KIF24: variants seen among roughly 807,000 people sequenced by gnomAD.
The protein encoded by KIF24 is kinesin-like protein KIF24.
A neutral mutation model predicts 118.9 loss-of-function variants in KIF24; 81 were observed. The ratio of observed to expected loss-of-function variants is 0.68; its 90% CI spans 0.57 to 0.82. The LOEUF is 0.82. Ranked by LOEUF, KIF24 falls within the 40% of genes least tolerant of loss-of-function variation. The probability of loss-of-function intolerance (pLI) is 0.00; values close to 1 mark genes in which losing one functional copy is unlikely to be tolerated. For missense variants in KIF24, 1,560 were observed against 1,661.6 expected (o/e 0.94, Z 1.06); for synonymous variants, 599 against 610.0 (o/e 0.98, Z 0.27).
intron 1 of KIF24, among the ~76,000 whole-genome samples, chr9:34,323,588 C>A (rs1389863206): frequency 2.6e-5 from 4 of 152,290 alleles, no homozygotes; most frequent in African/African-American, 9.6e-5. Flanking sequence ...TTTTGCCACA[C>A]TGCAGTCATA....
In KIF24 at chr9:34,326,252, T is replaced by A. The variant is rs1182109397; in HGVS notation, c.-26+2854A>T. Reference sequence around the variant, plus strand: ...CTGTGGTCCCAGCTACTTGGGGGGCTGAGGTGGGAGGATTGCTTGGGCCTG... The same window carrying A: ...CTGTGGTCCCAGCTACTTGGGGGGCAGAGGTGGGAGGATTGCTTGGGCCTG... On this transcript the variant is annotated intron_variant, in intron 1 of 12. Transcript: ENST00000402558. 4.6e-5 allele frequency among the ~76,000 whole-genome samples: 7 copies of A among 152,048 alleles called. No homozygotes were observed. The East Asian group carries it at 5.8e-4, about 13-fold the overall frequency.
chr9:34,306,407 C>T lies in KIF24; in HGVS notation c.658G>A (p.Glu220Lys), dbSNP rs1254837268. Residue 220 changes from glutamate (E) to lysine (K), a missense_variant, in exon 3 of 13, where the codon GAG (glutamate) becomes AAG (lysine). Transcript: ENST00000402558. The stretch of plus-strand genomic sequence containing the variant: ...ACACAAACTCTGATTTTCTCCATCT[C>T]AGTCCAAGGATTCTGTTTCTCTGAA... ...NTSEKQNPWTEMEKIRVCVRK... is the reference protein window; with the variant it reads ...NTSEKQNPWTKMEKIRVCVRK... 1.9e-6 allele frequency: 3 copies of T among 1,610,986 alleles called. No homozygotes were observed. The African/African-American group carries it at 4.0e-5, about 22-fold the overall frequency.
Position 34,299,401 on chromosome 9 carries a change from C to T in KIF24, c.814-2287G>A, listed in dbSNP as rs1040544263. 5.9e-5 allele frequency among the ~76,000 whole-genome samples: 9 copies of T among 151,968 alleles called. No individual in the cohort carries two copies. In the South Asian group the frequency reaches 1.0e-3, roughly 18 times the overall value. On this transcript the variant is annotated intron_variant, in intron 3 of 12. Coordinates refer to ENST00000402558, the MANE Select transcript of KIF24 (RefSeq NM_194313.4). ...CTCATCATGTTGGCCAGGCTGGTCT[C>T]GAACTCCTGACCTCAAGTGATCCGT...
At chr9:34,292,358 T>C (rs1374589230) in intron 4 of KIF24, among the ~76,000 whole-genome samples, 2 of 152,232 alleles carry the variant, frequency 1.3e-5, no homozygotes, top group African/African-American at 4.8e-5. Flanking sequence ...AAATTTTTTT[T>C]CCTTTTCCTT....
At chr9:34,280,051 G>A (rs902544625) in intron 6 of KIF24, among the ~76,000 whole-genome samples, 24 of 151,748 alleles carry the variant, frequency 1.6e-4, no homozygotes, top group African/African-American at 5.6e-4. Context: ...TTGGGAGGCC[G>A]AGGCAGGCGG....
At chr9:34,299,993 AG>A (rs749689483) in intron 3 of KIF24, among the ~76,000 whole-genome samples, 6 of 152,136 alleles carry the variant, frequency 3.9e-5, no homozygotes, top group Non-Finnish European at 8.8e-5. Flanking sequence ...TATCTAGTCA[AG>A]AAAAAATTTT....
At chr9:34,259,216 AAT>A (rs1286825777) in intron 10 of KIF24, among the ~76,000 whole-genome samples, 1 of 152,236 alleles carries the variant, frequency 6.6e-6, no homozygotes, top group Non-Finnish European at 1.5e-5. Flanking sequence ...CTTGACAAGT[AAT>A]ATGTCTTCTA....
chr9:34,269,186 T>A (rs781031499), intron 8 of KIF24, 71 bp downstream of exon 8: 2 of 812,222 alleles, frequency 2.5e-6, no homozygotes, highest in Non-Finnish European at 4.1e-6. Flanking sequence ...CCCACATTCA[T>A]CCACTCTGCC....
At position 34,255,104 on chromosome 9, in the gene KIF24, C is replaced by A; in HGVS notation, c.3934G>T (p.Glu1312Ter). 6.3e-7 allele frequency: 1 copy of A among 1,596,076 alleles called. No homozygotes were observed. Among genetic ancestry groups the A allele is most frequent in the Non-Finnish European group, 8.5e-7 (1 of 1,171,150 alleles). The part of the protein sequence containing the change: ...LDEMAELGFK[E>*]ETLMSQLASN... ...GCCAGCTGGCTCATCAGCGTCTCCT[C>A]CTTGAAGCCGAGCTCAGCCATTTCA... The change falls in exon 12 of 13, where the codon GAG (glutamate) becomes TAG (stop). Residue 1312 changes from glutamate to a stop codon, truncating the protein, a stop_gained. Coordinates refer to ENST00000402558, the MANE Select transcript of KIF24 (RefSeq NM_194313.4). LOFTEE classifies it high-confidence loss of function.
At position 34,289,509 on chromosome 9, in the gene KIF24, C is replaced by T. The variant is rs143270488; in HGVS notation, c.1127+665G>A. ...TGACAGCCTTTAATCCTTCCACCTC[C>T]CCCATTCCCTCTAACCTCTATTCTC... is the stretch of plus-strand genomic sequence containing the variant. On this transcript the variant is annotated intron_variant, in intron 5 of 12. Transcript: ENST00000402558. 3.2e-3 allele frequency among the ~76,000 whole-genome samples: 481 copies of T among 152,298 alleles called. 2 individuals are homozygous for T. Among genetic ancestry groups the T allele is most frequent in the African/African-American group, 0.011 (459 of 41,562 alleles).
At chr9:34,332,878 A>G (rs1837984489), upstream of KIF24, among the ~76,000 whole-genome samples, 1 of 152,202 alleles carries the variant, frequency 6.6e-6, no homozygotes, top group Non-Finnish European at 1.5e-5. Flanking sequence ...TTCTTACAAG[A>G]AAGAGCTTTA....
chr9:34,305,594 ATTTG>A (rs1314592935), intron 3 of KIF24, among the ~76,000 whole-genome samples: 2 of 152,030 alleles, frequency 1.3e-5, no homozygotes, highest in Non-Finnish European at 1.5e-5. Context: ...TTAATTATTT[ATTTG>A]TTTTTTATTT....
chr9:34,318,535 C>A lies in KIF24; in HGVS notation c.-25-7164G>T. The A allele has an allele frequency of 9.7e-7, 1 of 1,027,974 alleles. No homozygotes were observed. The highest frequency in any genetic ancestry group is 1.5e-6 in the Non-Finnish European group (1 of 671,684). The allele number at this position is 1,027,974 out of a possible 1,614,324, so 63.7% of individuals were successfully genotyped here. ...TGAGCCCCAAGGCAGCCACGCTGGC[C>A]GAACACAGCGCCGGCCTGGCCTTCA... On this transcript the variant is annotated intron_variant, in intron 1 of 12. Transcript: ENST00000402558. This position sits in a 1 kb window ranked among gnomAD's most constrained non-coding sequence, Gnocchi z 4.9.
At chr9:34,293,627 T>C (rs981052964) in intron 4 of KIF24, among the ~76,000 whole-genome samples, 2 of 151,256 alleles carry the variant, frequency 1.3e-5, no homozygotes, top group African/African-American at 4.9e-5. Context: ...ATAGAAAAAA[T>C]TAGCTGGGCG....
At chr9:34,331,006 T>TA (rs1432680139), upstream of KIF24, among the ~76,000 whole-genome samples, 1 of 152,072 alleles carries the variant, frequency 6.6e-6, no homozygotes, top group Non-Finnish European at 1.5e-5. Context: ...AACAGGCAAA[T>TA]ACACTAGTCA....
At chr9:34,308,982 G>A (rs1330812715) in intron 2 of KIF24, among the ~76,000 whole-genome samples, 1 of 152,134 alleles carries the variant, frequency 6.6e-6, no homozygotes, top group Non-Finnish European at 1.5e-5. Flanking sequence ...TTGGGTGGCT[G>A]AGGCAGGAGG....
intron 5 of KIF24, among the ~76,000 whole-genome samples, chr9:34,287,217 G>A (rs977207430): frequency 2.0e-5 from 3 of 152,190 alleles, no homozygotes; most frequent in Non-Finnish European, 4.4e-5. Flanking sequence ...CAAATAAACT[G>A]GGTCCTTATT....
intron 1 of KIF24, among the ~76,000 whole-genome samples, chr9:34,321,335 T>G (rs898430590): frequency 1.3e-5 from 2 of 152,106 alleles, no homozygotes; most frequent in Non-Finnish European, 2.9e-5. Context: ...ACTCAGTCAG[T>G]CTCTGCTAAG....
intron 1 of KIF24, among the ~76,000 whole-genome samples, 154 bp from the exon 2 acceptor site, chr9:34,311,525 T>C (rs962296868): frequency 1.3e-5 from 2 of 151,992 alleles, no homozygotes; most frequent in African/African-American, 2.4e-5. Context: ...TCTGAAATTA[T>C]TGATTAAATA....
Sources: gnomAD v4.1 joint callset for allele counts (sites outside exome capture counted in the v4.1 genomes callset) on GRCh38, gnomAD v4.1.1 for gene constraint, Gnocchi (gnomAD v3.1) non-coding constraint, MANE v1.5 for transcripts, NCBI Gene and HGNC (gene_info 2026-07-23, HGNC 2026-07-21) for gene names.